Variants in UCHL5 observed in about 807,000 individuals in gnomAD.
The protein encoded by UCHL5 is ubiquitin C-terminal hydrolase L5, also known as ubiquitin carboxyl-terminal hydrolase isozyme L5.
In UCHL5, 34 loss-of-function variants were observed where a neutral mutation model predicts 53.8. The ratio of observed to expected loss-of-function variants is 0.63; its 90% CI spans 0.48 to 0.84. UCHL5 has a LOEUF of 0.84. Ranked by LOEUF, UCHL5 falls within the 40% of genes least tolerant of loss-of-function variation. The pLI, the probability that UCHL5 is intolerant of heterozygous loss-of-function variation, is 0.00. For missense variants in UCHL5, 290 were observed against 385.6 expected (o/e 0.75, Z 2.08); for synonymous variants, 111 against 126.3 (o/e 0.88, Z 0.81).
At chr1:193,059,527 G>C, upstream of UCHL5, 1 of 1,571,700 alleles carries the variant, frequency 6.4e-7, no homozygotes, top group Non-Finnish European at 8.7e-7. The surrounding 1 kb of genome is among the most constrained non-coding windows in gnomAD (Gnocchi z 4.9). Context: ...TGAGAAGAAA[G>C]GGCGGTGATT....
At chr1:193,038,356 T>G (rs1191821370) in intron 3 of UCHL5, among the ~76,000 whole-genome samples, 1 of 150,540 alleles carries the variant, frequency 6.6e-6, no homozygotes, top group African/African-American at 2.5e-5. Context: ...CTCGGGAGGC[T>G]GAGGCAGGAG....
At chr1:193,036,867 A>C (rs1663691907) in intron 3 of UCHL5, among the ~76,000 whole-genome samples, 1 of 152,110 alleles carries the variant, frequency 6.6e-6, no homozygotes, top group Admixed American at 6.5e-5. Flanking sequence ...GAAACTACAC[A>C]AACACATAGA....
intron 3 of UCHL5, among the ~76,000 whole-genome samples, chr1:193,035,550 A>G (rs540949388): frequency 1.3e-5 from 2 of 152,152 alleles, no homozygotes; most frequent in African/African-American, 4.8e-5. Flanking sequence ...ACAAAAGCTG[A>G]GAGAAGTGGC....
chr1:193,039,740 CAA>C (rs1664875319), intron 3 of UCHL5, among the ~76,000 whole-genome samples: 1 of 152,142 alleles, frequency 6.6e-6, no homozygotes, highest in Non-Finnish European at 1.5e-5. Flanking sequence ...TATCTGACTT[CAA>C]AATAGACTAC....
At chr1:193,059,870 C>G (rs771140463), upstream of UCHL5, 1 of 1,364,720 alleles carries the variant, frequency 7.3e-7, no homozygotes, top group Admixed American at 1.9e-5. This position sits in a 1 kb window ranked among gnomAD's most constrained non-coding sequence, Gnocchi z 4.9. Flanking sequence ...CACCCGCATC[C>G]CAGGGGTTGA....
At chr1:193,018,136 T>C (rs963871300) in intron 10 of UCHL5, among the ~76,000 whole-genome samples, 4 of 151,550 alleles carry the variant, frequency 2.6e-5, no homozygotes, top group African/African-American at 9.7e-5. Flanking sequence ...TAACTATTCT[T>C]CTACCTTATT....
chr1:193,031,597 G>C (rs1016113315), intron 3 of UCHL5, among the ~76,000 whole-genome samples: 1 of 152,124 alleles, frequency 6.6e-6, no homozygotes, highest in Non-Finnish European at 1.5e-5. Flanking sequence ...GTGCCACCAA[G>C]TGGTTATGCT....
In UCHL5 at chr1:193,025,547, A is replaced by T. The variant is rs76493703; in HGVS notation, c.630-1601T>A. On this transcript the variant is annotated intron_variant, in intron 7 of 10. Transcript: ENST00000367454. The stretch of plus-strand genomic sequence containing the variant: ...CAAGGCACTCCTACCCCTCTCAGCC[A>T]GAGTGGTATCAACAGAAACTCTGCT... Among the ~76,000 whole-genome samples, 881 of 152,314 alleles carry T rather than the reference A, an allele frequency of 5.8e-3. 3 individuals carry two copies. The highest frequency in any genetic ancestry group is 0.015 in the South Asian group (73 of 4,830).
upstream of UCHL5, chr1:193,059,523 G>A (rs764401466): frequency 9.5e-6 from 15 of 1,577,558 alleles, no homozygotes; most frequent in Admixed American, 1.7e-5. This position sits in a 1 kb window ranked among gnomAD's most constrained non-coding sequence, Gnocchi z 4.9. Context: ...GGCCTGAGAA[G>A]AAAGGGCGGT....
chr1:193,043,494 T>C (rs978045581), intron 3 of UCHL5, among the ~76,000 whole-genome samples: 2 of 152,334 alleles, frequency 1.3e-5, no homozygotes, highest in East Asian at 1.9e-4. Flanking sequence ...TTTATGACTA[T>C]AGTAAAGAAA....
At chr1:193,023,127 T>G (rs1192178308) in intron 8 of UCHL5, 91 bp from the exon 9 acceptor site, 1 of 1,015,196 alleles carries the variant, frequency 9.9e-7, no homozygotes, top group Non-Finnish European at 1.5e-6. Flanking sequence ...TATGATTATT[T>G]TCAAATTTTT....
At chr1:193,051,941 T>G in intron 1 of UCHL5, 124 bp from the exon 2 acceptor site, 2 of 640,652 alleles carry the variant, frequency 3.1e-6, no homozygotes, top group Non-Finnish European at 5.5e-6. Flanking sequence ...CTAATAAAGC[T>G]CACAGCCAAA....
chr1:193,049,670 C>A, intron 3 of UCHL5, 76 bp downstream of exon 3: 2 of 1,168,902 alleles, frequency 1.7e-6, no homozygotes, highest in South Asian at 3.4e-5. Flanking sequence ...ACACTAGTAG[C>A]AAACAGTAGT....
chr1:193,030,543 G>A (rs1319763335), intron 3 of UCHL5, among the ~76,000 whole-genome samples: 1 of 152,086 alleles, frequency 6.6e-6, no homozygotes, highest in Non-Finnish European at 1.5e-5. Flanking sequence ...AAGCACCTAT[G>A]GTATTGAGAT....
rs935226791 is a variant in UCHL5 at position 193,013,917 on chromosome 1, T to C, written c.*2434A>G. 6.6e-6 allele frequency: 1 copy of C among 152,124 alleles called. No homozygotes were observed. Among genetic ancestry groups the C allele is most frequent in the Non-Finnish European group, 1.5e-5 (1 of 68,020 alleles). 9.4% of individuals were successfully genotyped at this position (152,124 alleles called of 1,614,324 possible). ...CAAGCTATCTTGGGAACTAAACATATAAGGTGAGAGTAGCCAGTGCCGCAG... is the reference window on the plus strand; with the variant it reads ...CAAGCTATCTTGGGAACTAAACATACAAGGTGAGAGTAGCCAGTGCCGCAG... On this transcript the variant is annotated 3_prime_UTR_variant, in exon 11 of 11. Coordinates refer to ENST00000367454, the MANE Select transcript of UCHL5 (RefSeq NM_001199261.3).
Position 193,012,475 on chromosome 1 carries a change from T to C in UCHL5, c.*3876A>G, listed in dbSNP as rs1406745665. 6.6e-6 allele frequency: 1 copy of C among 152,246 alleles called. No individual in the cohort carries two copies. The highest frequency in any genetic ancestry group is 1.5e-5 in the Non-Finnish European group (1 of 68,044). The allele number at this position is 152,246 out of a possible 1,614,324, so 9.4% of individuals were successfully genotyped here. On this transcript the variant is annotated 3_prime_UTR_variant, in exon 11 of 11. Transcript: ENST00000367454. ...GATTGCAAATTAATATTCTTAATTA[T>C]TGCACATTGGTTCTGCCTATATGCC...
chr1:193,022,385 A>G (rs1022613205), intron 9 of UCHL5, among the ~76,000 whole-genome samples: 2 of 152,128 alleles, frequency 1.3e-5, no homozygotes, highest in African/African-American at 4.8e-5. Flanking sequence ...AACACATGAC[A>G]AATGACATAT....
chr1:193,037,830 A>G (rs1664074372), intron 3 of UCHL5, among the ~76,000 whole-genome samples: 1 of 151,336 alleles, frequency 6.6e-6, no homozygotes. Context: ...TGGCACATGT[A>G]TACATATGTA....
Position 193,012,402 on chromosome 1 carries a change from T to C in UCHL5, c.*3949A>G, listed in dbSNP as rs2102201172. The C allele has an allele frequency of 6.6e-6, 1 of 152,270 alleles. No homozygotes were observed. Among genetic ancestry groups the C allele is most frequent in the East Asian group, 1.9e-4 (1 of 5,188 alleles). The allele number at this position is 152,270 out of a possible 1,614,324, so 9.4% of individuals were successfully genotyped here. A position where few individuals can be genotyped will look rare whatever the true frequency, so the allele number is the denominator to read the frequency against. On this transcript the variant is annotated 3_prime_UTR_variant, in exon 11 of 11. Coordinates refer to ENST00000367454, the MANE Select transcript of UCHL5 (RefSeq NM_001199261.3). Reference sequence around the variant, plus strand: ...TCCATATATCTTTTATTCAACCCATTTTCATATTGACACTCCAACATTAAT... The same window carrying C: ...TCCATATATCTTTTATTCAACCCATCTTCATATTGACACTCCAACATTAAT...
Sources: allele counts gnomAD v4.1 joint callset (sites outside exome capture counted in the v4.1 genomes callset), GRCh38; gene constraint gnomAD v4.1.1; non-coding constraint Gnocchi (gnomAD v3.1); transcripts MANE v1.5; gene names NCBI Gene and HGNC (gene_info 2026-07-23, HGNC 2026-07-21).